GPR155: variants seen among roughly 807,000 people sequenced by gnomAD.
GPR155 encodes the protein G protein-coupled receptor 155, also known as lysosomal cholesterol signaling protein.
A neutral mutation model predicts 93.1 loss-of-function variants in GPR155; 65 were observed. The observed-to-expected ratio is 0.70, with a 90% CI of 0.57 to 0.86. The LOEUF (loss-of-function observed/expected upper bound fraction) is 0.86. Ranked by LOEUF, GPR155 falls within the 40% of genes least tolerant of loss-of-function variation. The pLI is 0.00. For missense variants in GPR155, 838 were observed against 1,034.8 expected (o/e 0.81, Z 2.61); for synonymous variants, 319 against 360.1 (o/e 0.89, Z 1.29).
rs10581991 is a variant in GPR155, at chr2:174,471,468, T to TA, written c.861-914dup. 1.6e-3 allele frequency among the ~76,000 whole-genome samples: 202 copies of TA among 130,240 alleles called. No homozygotes were observed. The East Asian group carries it at 0.021, about 14-fold the overall frequency. The allele number at this position is 130,240 out of a possible 152,430, so 85.4% of individuals were successfully genotyped here. On this transcript the variant is annotated intron_variant, in intron 3 of 15. Transcript: ENST00000392552. ...ATCTTCAAGTAGCTCTTCATCTTTG[T>TA]AAAAAAAAAAAAAAAAAAAATTAGC...
intron 6 of GPR155, among the ~76,000 whole-genome samples, chr2:174,466,308 TA>T (rs1378975793): frequency 2.6e-5 from 4 of 152,172 alleles, no homozygotes; most frequent in Admixed American, 6.5e-5. Context: ...TTGTTTCTAT[TA>T]AAAAATGCAA....
At chr2:174,479,385 G>A (rs976693079) in intron 2 of GPR155, among the ~76,000 whole-genome samples, 1 of 152,122 alleles carries the variant, frequency 6.6e-6, no homozygotes, top group Non-Finnish European at 1.5e-5. Context: ...AATTGAACTG[G>A]CACATTATGT....
chr2:174,445,039 C>T (rs1438936651), intron 13 of GPR155, 42 bp downstream of exon 13: 1 of 963,172 alleles, frequency 1.0e-6, no homozygotes, highest in Non-Finnish European at 1.7e-6. Flanking sequence ...TCAACCTATC[C>T]AGGAAGACAA....
chr2:174,479,901 C>T (rs1688272450), intron 2 of GPR155, among the ~76,000 whole-genome samples: 1 of 152,190 alleles, frequency 6.6e-6, no homozygotes, highest in African/African-American at 2.4e-5. Flanking sequence ...GCTCAATTAT[C>T]TATGAGCCCA....
chr2:174,473,756 G>A (rs1323934708), intron 2 of GPR155, among the ~76,000 whole-genome samples: 1 of 152,172 alleles, frequency 6.6e-6, no homozygotes, highest in Non-Finnish European at 1.5e-5. Flanking sequence ...GGAAAGAACA[G>A]TTTTACTGGA....
In GPR155 at chr2:174,436,422, T is replaced by C. The variant is rs374665551; in HGVS notation, c.2313-6A>G. On this transcript the variant is annotated splice_polypyrimidine_tract_variant and splice_region_variant and intron_variant, in intron 15 of 15. Coordinates refer to ENST00000392552, the MANE Select transcript of GPR155 (RefSeq NM_152529.7). ...CAGAAGTCTTTGCACCACACCTGTG[T>C]CAAAGGAATGATTCACCCATATTTT... The C allele has an allele frequency of 3.7e-6, 6 of 1,612,830 alleles. No individual in the cohort carries two copies. In the South Asian group the frequency reaches 6.6e-5, roughly 18 times the overall value.
intron 12 of GPR155, 51 bp from the exon 13 acceptor site, chr2:174,445,227 C>T: frequency 1.1e-6 from 1 of 881,300 alleles, no homozygotes; most frequent in Non-Finnish European, 1.9e-6. Context: ...GCTGATAATT[C>T]CTCTCCATCC....
chr2:174,465,599 G>A (rs533305741), intron 7 of GPR155, among the ~76,000 whole-genome samples, 186 bp downstream of exon 7: 1 of 152,312 alleles, frequency 6.6e-6, no homozygotes, highest in African/African-American at 2.4e-5. Flanking sequence ...AGCCCAGGCA[G>A]GAATAGAGTA....
At chr2:174,469,134 C>G in intron 4 of GPR155, 67 bp from the exon 5 acceptor site, 2 of 1,339,674 alleles carry the variant, frequency 1.5e-6, no homozygotes. Context: ...CTTTAAATAA[C>G]CACGGCACAC....
chr2:174,475,258 G>A (rs987455736), intron 2 of GPR155, among the ~76,000 whole-genome samples: 56 of 114,750 alleles, frequency 4.9e-4, no homozygotes, highest in Admixed American at 1.3e-3. Context: ...TCCCGCCACT[G>A]CACTCCAGCC....
At chr2:174,474,928 G>T (rs1688101937) in intron 2 of GPR155, among the ~76,000 whole-genome samples, 1 of 152,030 alleles carries the variant, frequency 6.6e-6, no homozygotes, top group Non-Finnish European at 1.5e-5. Context: ...TAATTGATTT[G>T]AAGTTGAGAA....
At chr2:174,449,300 C>T (rs1687249365) in intron 11 of GPR155, among the ~76,000 whole-genome samples, 2 of 152,178 alleles carry the variant, frequency 1.3e-5, no homozygotes, top group African/African-American at 4.8e-5. Flanking sequence ...TTAGTTCAGT[C>T]ACTGTGGAAA....
In GPR155 at chr2:174,472,990, G is replaced by A; in HGVS notation, c.835C>T (p.Leu279=). The A allele has an allele frequency of 3.8e-6, 6 of 1,591,336 alleles. No individual in the cohort carries two copies. The highest frequency in any genetic ancestry group is 5.1e-6 in the Non-Finnish European group (6 of 1,174,692). The change falls in exon 3 of 16, where the codon CTA becomes TTA. Residue 279 remains leucine (L), a synonymous_variant. Transcript: ENST00000392552. ...AGTTTAGCTGTGATGAGAAGAATTA[G>A]TACTACAAATGCCGACTTCTTCAGT... ...KRLKKSAFVV[L]ILLITAKLLV...
intron 10 of GPR155, 138 bp downstream of exon 10, chr2:174,459,740 G>A (rs1365321344): frequency 3.3e-6 from 2 of 612,528 alleles, no homozygotes; most frequent in East Asian, 5.7e-5. Flanking sequence ...AGCTACTCTG[G>A]AGGCTCAGGT....
At chr2:174,477,110 A>G (rs1056512548) in intron 2 of GPR155, among the ~76,000 whole-genome samples, 1 of 152,216 alleles carries the variant, frequency 6.6e-6, no homozygotes, top group Non-Finnish European at 1.5e-5. Context: ...AGCTCTTTAC[A>G]TCGAATTGTT....
intron 14 of GPR155, 118 bp from the exon 15 acceptor site, chr2:174,440,153 T>C (rs1244219263): frequency 4.2e-6 from 3 of 721,164 alleles, no homozygotes; most frequent in African/African-American, 3.6e-5. Context: ...AAAGCTGTCA[T>C]CTACAATACC....
At chr2:174,476,410 C>G (rs1688167916) in intron 2 of GPR155, among the ~76,000 whole-genome samples, 1 of 152,110 alleles carries the variant, frequency 6.6e-6, no homozygotes, top group Non-Finnish European at 1.5e-5. Flanking sequence ...TCAAGAAGAG[C>G]CTGGCCAACA....
At chr2:174,457,384 G>A (rs906856393) in intron 10 of GPR155, among the ~76,000 whole-genome samples, 1 of 152,202 alleles carries the variant, frequency 6.6e-6, no homozygotes, top group Non-Finnish European at 1.5e-5. Context: ...CAATAAATAA[G>A]TTAATATATT....
At position 174,473,323 on chromosome 2, in the gene GPR155, A is replaced by G. The variant is rs1420272782; in HGVS notation, c.502T>C (p.Tyr168His). The change falls in exon 3 of 16, where the codon TAC becomes CAC. Residue 168 changes from tyrosine to histidine, a missense_variant. Physicochemically the swap from Tyr to His is moderately conservative, Grantham distance 83. This residue lies in a region of GPR155 where 663 missense variants were observed against 790.1 expected (regional missense o/e 0.84). Transcript: ENST00000392552. ...YQTTYPEYLQYIYLVAPISLM... is the reference protein window; with the variant it reads ...YQTTYPEYLQHIYLVAPISLM... ...GATATTGGTGCCACCAAATAAATGT[A>G]CTGGAGATATTCTGGGTATGTAGTT... The G allele has an allele frequency of 1.2e-6, 2 of 1,601,404 alleles. No individual in the cohort carries two copies. Among genetic ancestry groups the G allele is most frequent in the African/African-American group, 1.3e-5 (1 of 74,372 alleles).
Sources: allele counts gnomAD v4.1 joint callset (sites outside exome capture counted in the v4.1 genomes callset), GRCh38; gene constraint gnomAD v4.1.1; regional missense constraint gnomAD v4.1.1; transcripts MANE v1.5; gene names NCBI Gene and HGNC (gene_info 2026-07-23, HGNC 2026-07-21).